Variants in GASK1B observed in about 807,000 individuals in gnomAD.
GASK1B encodes the protein Golgi-associated kinase 1B.
Under a neutral mutation model 42.8 loss-of-function variants are expected in GASK1B, and 34 were observed. The ratio of observed to expected loss-of-function variants is 0.79; its 90% CI spans 0.60 to 1.06. The LOEUF (loss-of-function observed/expected upper bound fraction) is 1.06. Among genes scored for constraint, GASK1B ranks in the 50% least tolerant of loss-of-function variants. The pLI, the probability that GASK1B is intolerant of heterozygous loss-of-function variation, is 0.00. For synonymous variants in GASK1B, 262 were observed against 259.1 expected (o/e 1.01, Z -0.11); for missense variants, 686 against 661.0 (o/e 1.04, Z -0.42).
chr4:158,145,412 T>A (rs1369523950), intron 3 of GASK1B, among the ~76,000 whole-genome samples: 1 of 152,156 alleles, frequency 6.6e-6, no homozygotes, highest in African/African-American at 2.4e-5. Flanking sequence ...AATTTATGAA[T>A]ATAAGTTTAT....
intron 2 of GASK1B, among the ~76,000 whole-genome samples, chr4:158,156,062 C>T (rs150304753): frequency 8.7e-4 from 132 of 152,144 alleles, no homozygotes; most frequent in Middle Eastern, 3.4e-3. Context: ...AAAATTTAAA[C>T]GAGATATTTT....
At chr4:158,152,408 A>T (rs1273297927) in intron 3 of GASK1B, among the ~76,000 whole-genome samples, 4 of 152,228 alleles carry the variant, frequency 2.6e-5, no homozygotes, top group Non-Finnish European at 5.9e-5. Context: ...GAATTCTACC[A>T]GACATTCAAA....
In GASK1B at chr4:158,130,784, A is replaced by T; in HGVS notation, c.1352+2T>A. 5.6e-6 allele frequency: 9 copies of T among 1,607,394 alleles called. No homozygotes were observed. Among genetic ancestry groups the T allele is most frequent in the Non-Finnish European group, 7.7e-6 (9 of 1,175,810 alleles). On this transcript the variant is annotated splice_donor_variant, in intron 4 of 4. Transcript: ENST00000585682. LOFTEE classifies it high-confidence loss of function. Reference sequence around the variant, plus strand: ...TCCTGCAGATGTTACTATAAAACTTACTCTTTGATGCCTTCTAACAATTTG... The same window carrying T: ...TCCTGCAGATGTTACTATAAAACTTTCTCTTTGATGCCTTCTAACAATTTG...
At chr4:158,141,959 A>G (rs1270134982) in intron 3 of GASK1B, among the ~76,000 whole-genome samples, 3 of 44,690 alleles carry the variant, frequency 6.7e-5, no homozygotes, top group Admixed American at 3.7e-4. Context: ...TTTTTTTGAG[A>G]CGGAGTCTCG....
At chr4:158,143,888 TAC>T (rs527621584) in intron 3 of GASK1B, among the ~76,000 whole-genome samples, 277 of 152,236 alleles carry the variant, frequency 1.8e-3, no homozygotes, top group South Asian at 7.9e-3. Flanking sequence ...TGTTTAAAAA[TAC>T]AGTGTCATAA....
Position 158,171,564 on chromosome 4 carries a change from A to G in GASK1B, c.-189T>C. On this transcript the variant is annotated 5_prime_UTR_variant, in exon 2 of 5. Transcript: ENST00000585682. ...GTTTCTGACACAACAAACCTTTTAA[A>G]TTATCAGTCTCCCCAAGGAGAAATG... 1.9e-6 allele frequency: 1 copy of G among 514,996 alleles called. No individual in the cohort carries two copies. The highest frequency in any genetic ancestry group is 3.3e-6 in the Non-Finnish European group (1 of 307,358). 31.9% of individuals were successfully genotyped at this position (514,996 alleles called of 1,614,324 possible).
chr4:158,140,688 A>C (rs1016734628), intron 3 of GASK1B, among the ~76,000 whole-genome samples: 2 of 152,228 alleles, frequency 1.3e-5, no homozygotes, highest in Non-Finnish European at 2.9e-5. Flanking sequence ...GGCTTAGTGA[A>C]GAAGCCAATC....
chr4:158,170,937 C>A lies in GASK1B; in HGVS notation c.439G>T (p.Gly147Ter). Residue 147 changes from glycine (G) to a stop codon, truncating the protein, a stop_gained, in exon 2 of 5, where the codon GGA becomes TGA. Transcript: ENST00000585682. LOFTEE classifies it high-confidence loss of function. ...GCTTCCTGCGGCTGAAGGGATGGTC[C>A]GACCAAAGCCTCCTGCCCTGGGGCA... ...SAAPGQEALV[G>*]PSLQPQEAAR... 1 of 1,614,222 alleles carries A rather than the reference C, an allele frequency of 6.2e-7. No homozygotes were observed. The highest frequency in any genetic ancestry group is 8.5e-7 in the Non-Finnish European group (1 of 1,180,052).
intron 3 of GASK1B, among the ~76,000 whole-genome samples, chr4:158,133,388 C>T (rs190992473): frequency 3.5e-4 from 54 of 152,180 alleles, no homozygotes; most frequent in African/African-American, 1.2e-3. Flanking sequence ...AAAGAAAATG[C>T]TACCAAACAT....
At chr4:158,135,454 T>C (rs2110939181) in intron 3 of GASK1B, among the ~76,000 whole-genome samples, 1 of 152,046 alleles carries the variant, frequency 6.6e-6, no homozygotes, top group Admixed American at 6.5e-5. Flanking sequence ...AACTGTATAC[T>C]TAATGCTTCA....
chr4:158,134,115 T>C (rs1416807988), intron 3 of GASK1B, among the ~76,000 whole-genome samples: 1 of 152,214 alleles, frequency 6.6e-6, no homozygotes, highest in East Asian at 1.9e-4. Context: ...GTTTATAGGT[T>C]TCCTTTTGAA....
At chr4:158,132,045 G>A (rs527717347) in intron 3 of GASK1B, among the ~76,000 whole-genome samples, 1 of 152,116 alleles carries the variant, frequency 6.6e-6, no homozygotes, top group Non-Finnish European at 1.5e-5. Flanking sequence ...AAGACAAAGA[G>A]TAATTTATCC....
intron 3 of GASK1B, among the ~76,000 whole-genome samples, chr4:158,149,036 G>A (rs1731439686): frequency 6.6e-6 from 1 of 152,072 alleles, no homozygotes; most frequent in South Asian, 2.1e-4. Flanking sequence ...TGCTTCAAAT[G>A]GTATATTTAG....
intron 3 of GASK1B, among the ~76,000 whole-genome samples, chr4:158,148,232 G>T (rs1731409430): frequency 6.6e-6 from 1 of 151,930 alleles, no homozygotes; most frequent in South Asian, 2.1e-4. Flanking sequence ...AAAAGGGAAA[G>T]AAAATATAAT....
chr4:158,144,256 C>A (rs1228435246), intron 3 of GASK1B, among the ~76,000 whole-genome samples: 1 of 152,170 alleles, frequency 6.6e-6, no homozygotes, highest in Non-Finnish European at 1.5e-5. Flanking sequence ...GGAAAGTCTT[C>A]TGAAGCTTCC....
At chr4:158,149,708 T>G (rs1731473096) in intron 3 of GASK1B, among the ~76,000 whole-genome samples, 1 of 152,204 alleles carries the variant, frequency 6.6e-6, no homozygotes, top group Non-Finnish European at 1.5e-5. Context: ...TCCACTTTAT[T>G]ACTATTACAT....
chr4:158,148,263 T>A (rs1731410768), intron 3 of GASK1B, among the ~76,000 whole-genome samples: 1 of 151,990 alleles, frequency 6.6e-6, no homozygotes, highest in African/African-American at 2.4e-5. Flanking sequence ...TCACTCAAAA[T>A]GAAAAACTGA....
At chr4:158,155,255 C>A (rs1403810227) in intron 3 of GASK1B, among the ~76,000 whole-genome samples, 3 of 152,132 alleles carry the variant, frequency 2.0e-5, no homozygotes, top group African/African-American at 4.8e-5. Context: ...AGATGTATTT[C>A]TTTGATATAT....
At chr4:158,129,913 G>A (rs1730613828) in intron 4 of GASK1B, among the ~76,000 whole-genome samples, 1 of 152,158 alleles carries the variant, frequency 6.6e-6, no homozygotes, top group South Asian at 2.1e-4. Flanking sequence ...TTCCACTGCT[G>A]GGGTTGAACA....
Sources: allele counts gnomAD v4.1 joint callset (sites outside exome capture counted in the v4.1 genomes callset), GRCh38; gene constraint gnomAD v4.1.1; transcripts MANE v1.5; gene names NCBI Gene and HGNC (gene_info 2026-07-23, HGNC 2026-07-21).